PDGFD: variants seen among roughly 807,000 people sequenced by gnomAD.
The protein encoded by PDGFD is platelet-derived growth factor D.
PDGFD carries 30 observed loss-of-function variants against 44.7 expected under a neutral mutation model. The ratio of observed to expected loss-of-function variants is 0.67; its 90% CI spans 0.50 to 0.91. The LOEUF is 0.91. Ranked by LOEUF, PDGFD falls within the 40% of genes least tolerant of loss-of-function variation. The probability of loss-of-function intolerance (pLI) is 0.00; values close to 1 mark genes in which losing one functional copy is unlikely to be tolerated. For missense variants in PDGFD, 445 were observed against 457.8 expected (o/e 0.97, Z 0.25); for synonymous variants, 173 against 168.4 (o/e 1.03, Z -0.21).
chr11:104,007,421 A>G (rs1486044684), intron 1 of PDGFD, among the ~76,000 whole-genome samples: 1 of 152,230 alleles, frequency 6.6e-6, no homozygotes, highest in African/African-American at 2.4e-5. Flanking sequence ...ACTATGAATA[A>G]TGGTAATGTT....
At chr11:104,041,349 A>T (rs1328498834) in intron 1 of PDGFD, among the ~76,000 whole-genome samples, 1 of 151,952 alleles carries the variant, frequency 6.6e-6, no homozygotes, top group Non-Finnish European at 1.5e-5. Flanking sequence ...GATTATTTTT[A>T]AAATAAGAAG....
chr11:103,945,231 T>C (rs1042394778), intron 4 of PDGFD, among the ~76,000 whole-genome samples: 1 of 152,112 alleles, frequency 6.6e-6, no homozygotes, highest in Non-Finnish European at 1.5e-5. Flanking sequence ...GGTGCAGCCA[T>C]ATTTGTTCCT....
intron 1 of PDGFD, among the ~76,000 whole-genome samples, chr11:104,011,019 C>T (rs184730104): frequency 2.4e-4 from 36 of 152,062 alleles, no homozygotes; most frequent in African/African-American, 8.0e-4. Flanking sequence ...CCAGGAGTAA[C>T]AAGATTTAGC....
Position 104,108,967 on chromosome 11 carries a change from C to T in PDGFD, c.124+54837G>A, listed in dbSNP as rs561472899. Among the ~76,000 whole-genome samples, 10 of 150,436 alleles carry T rather than the reference C, an allele frequency of 6.6e-5. No homozygotes were observed. The East Asian group carries it at 1.6e-3, about 24-fold the overall frequency. On this transcript the variant is annotated intron_variant, in intron 1 of 6. Coordinates refer to ENST00000393158, the MANE Select transcript of PDGFD (RefSeq NM_025208.5). ...ATTGCAAGAACAAAAAAGCAAACACCGCATGTTCTCACTCATAGGTGGGAA... is the reference window on the plus strand; with the variant it reads ...ATTGCAAGAACAAAAAAGCAAACACTGCATGTTCTCACTCATAGGTGGGAA...
chr11:104,162,331 T>TGTA (rs1862402491), intron 1 of PDGFD, among the ~76,000 whole-genome samples: 1 of 152,100 alleles, frequency 6.6e-6, no homozygotes, highest in Admixed American at 6.6e-5. Flanking sequence ...TTTTACTCTA[T>TGTA]GTAGCTAAAA....
Position 104,097,580 on chromosome 11 carries a change from T to C in PDGFD, c.124+66224A>G, listed in dbSNP as rs369066200. Among the ~76,000 whole-genome samples the C allele has an allele frequency of 1.5e-3, 230 of 152,284 alleles. 1 individual carries two copies. Among genetic ancestry groups the C allele is most frequent in the Non-Finnish European group, 2.4e-3 (163 of 68,010 alleles). On this transcript the variant is annotated intron_variant, in intron 1 of 6. Transcript: ENST00000393158. ...ATCCAGCCCTCAAATGGTTCCCAGA[T>C]GCTAATGTTATACAGAGATTATATT... is the stretch of plus-strand genomic sequence containing the variant.
intron 1 of PDGFD, among the ~76,000 whole-genome samples, chr11:104,031,203 C>T (rs568204070): frequency 6.6e-6 from 1 of 152,122 alleles, no homozygotes; most frequent in African/African-American, 2.4e-5. Context: ...AGTGAATAGA[C>T]AACCTATAGA....
chr11:103,920,783 GA>G (rs1318265946), intron 6 of PDGFD, among the ~76,000 whole-genome samples: 1 of 152,164 alleles, frequency 6.6e-6, no homozygotes, highest in Non-Finnish European at 1.5e-5. Flanking sequence ...TTGTCAAGAT[GA>G]GTGAATTAAC....
At position 104,036,930 on chromosome 11, in the gene PDGFD, G is replaced by A. The variant is rs770228690; in HGVS notation, c.125-36675C>T. On this transcript the variant is annotated intron_variant, in intron 1 of 6. Coordinates refer to ENST00000393158, the MANE Select transcript of PDGFD (RefSeq NM_025208.5). ...GAAACTTCAAGGTCCTCTGCGAAGC[G>A]GAGTCCAGAGTCCCCGTCGAAGAGA... 23 of 1,614,166 alleles carry A rather than the reference G, an allele frequency of 1.4e-5. No individual in the cohort carries two copies. The East Asian group carries it at 1.8e-4, about 13-fold the overall frequency.
At chr11:103,988,333 T>C (rs1359429934) in intron 3 of PDGFD, among the ~76,000 whole-genome samples, 3 of 151,720 alleles carry the variant, frequency 2.0e-5, no homozygotes, top group Non-Finnish European at 4.4e-5. Context: ...AATTAGATAC[T>C]AGATAAACAG....
chr11:104,049,383 A>G (rs999886408), intron 1 of PDGFD, among the ~76,000 whole-genome samples: 1 of 152,194 alleles, frequency 6.6e-6, no homozygotes, highest in Non-Finnish European at 1.5e-5. Flanking sequence ...AGGACGAACG[A>G]CAAAGAGAAT....
intron 6 of PDGFD, among the ~76,000 whole-genome samples, chr11:103,925,679 G>GTGTA (rs1386232920): frequency 2.5e-5 from 3 of 119,786 alleles, no homozygotes; most frequent in Admixed American, 1.9e-4. Flanking sequence ...GTGTGTCTGT[G>GTGTA]TATATATATA....
chr11:104,156,508 T>A (rs2119922353), intron 1 of PDGFD, among the ~76,000 whole-genome samples: 1 of 151,950 alleles, frequency 6.6e-6, no homozygotes, highest in South Asian at 2.1e-4. Context: ...AAGGAAAAAA[T>A]CTAAAATCTG....
chr11:104,031,285 A>C (rs543618958), intron 1 of PDGFD, among the ~76,000 whole-genome samples: 1 of 152,316 alleles, frequency 6.6e-6, no homozygotes, highest in Admixed American at 6.5e-5. Flanking sequence ...GAACTTAAAC[A>C]CCTTTACAAG....
intron 1 of PDGFD, among the ~76,000 whole-genome samples, chr11:104,118,603 G>C (rs936700197): frequency 2.0e-5 from 3 of 149,748 alleles, no homozygotes; most frequent in Non-Finnish European, 3.0e-5. Context: ...TCCTTGCCTT[G>C]CTCTTCATTT....
At chr11:103,988,928 G>A (rs934335342) in intron 3 of PDGFD, among the ~76,000 whole-genome samples, 1 of 152,052 alleles carries the variant, frequency 6.6e-6, no homozygotes, top group Non-Finnish European at 1.5e-5. Flanking sequence ...GAATATTTAC[G>A]ACATGTCAGG....
At chr11:103,970,902 G>C (rs1043155988) in intron 3 of PDGFD, among the ~76,000 whole-genome samples, 2 of 152,120 alleles carry the variant, frequency 1.3e-5, no homozygotes, top group African/African-American at 2.4e-5. Context: ...CCTCACAATG[G>C]AAGCAGTGGA....
intron 1 of PDGFD, among the ~76,000 whole-genome samples, chr11:104,076,042 T>C (rs1488433428): frequency 6.6e-6 from 1 of 152,192 alleles, no homozygotes; most frequent in Non-Finnish European, 1.5e-5. Context: ...ATGGGGCTGG[T>C]TCCTCCCATG....
Position 103,927,270 on chromosome 11 carries a change from G to A in PDGFD, c.773-144C>T. On this transcript the variant is annotated intron_variant, in intron 5 of 6. Transcript: ENST00000393158. The stretch of plus-strand genomic sequence containing the variant: ...ATCCATCCTCAGGCTCTCAATTACT[G>A]GGAACCTAAAGTAAAAGACCTAATT... The A allele has an allele frequency of 7.2e-6, 5 of 694,674 alleles. No individual in the cohort carries two copies. The South Asian group carries it at 7.6e-5, about 10-fold the overall frequency. 43.0% of individuals were successfully genotyped at this position (694,674 alleles called of 1,614,324 possible). A position where few individuals can be genotyped will look rare whatever the true frequency, so the allele number is the denominator to read the frequency against.
Sources: gnomAD v4.1 joint callset for allele counts (sites outside exome capture counted in the v4.1 genomes callset) on GRCh38, gnomAD v4.1.1 for gene constraint, MANE v1.5 for transcripts, NCBI Gene and HGNC (gene_info 2026-07-23, HGNC 2026-07-21) for gene names.